Variants in NR4A1 observed in about 807,000 individuals in gnomAD.
NR4A1 encodes nuclear receptor subfamily 4immunitygroup A member 1.
Under a neutral mutation model 47.5 loss-of-function variants are expected in NR4A1, and 24 were observed. The observed-to-expected ratio is 0.50, with a 90% CI of 0.37 to 0.71. The LOEUF (loss-of-function observed/expected upper bound fraction) is 0.71, where lower values mean the gene tolerates loss of function less well. Among genes scored for constraint, NR4A1 ranks in the 30% least tolerant of loss-of-function variants. The pLI is 0.00. For missense variants in NR4A1, 669 were observed against 788.6 expected, an observed-to-expected ratio of 0.85 and a Z score of 1.82; for synonymous variants, 353 against 345.7, an observed-to-expected ratio of 1.02 and a Z score of -0.24.
chr12:52,029,339 G>T lies in NR4A1; in HGVS notation c.-84+6400G>T, dbSNP rs536734686. The stretch of plus-strand genomic sequence containing the variant: ...GACTTTGCACCCTCCTTGTGTGCCT[G>T]TGGGTCCTGCAGTTCTGAGCCCATG... On this transcript the variant is annotated intron_variant, in intron 1 of 7. Coordinates refer to the NR4A1 transcript ENST00000360284. Among the ~76,000 whole-genome samples the T allele has an allele frequency of 1.2e-3, 189 of 152,370 alleles. 1 individual carries two copies. The highest frequency in any genetic ancestry group is 1.8e-3 in the Non-Finnish European group (125 of 68,038).
At chr12:52,036,167 C>T (rs1356890515) in intron 1 of NR4A1, among the ~76,000 whole-genome samples, 5 of 152,146 alleles carry the variant, frequency 3.3e-5, no homozygotes, top group East Asian at 1.9e-4. Context: ...CCTGAGTGGG[C>T]AGCTGCTGGG....
chr12:52,024,531 C>T (rs1017872461), intron 1 of NR4A1, among the ~76,000 whole-genome samples: 1 of 152,032 alleles, frequency 6.6e-6, no homozygotes. Flanking sequence ...CTCGTCTCTA[C>T]AAAAAATTTT....
upstream of NR4A1, among the ~76,000 whole-genome samples, chr12:52,046,845 T>C (rs1938665637): frequency 6.6e-6 from 1 of 151,896 alleles, no homozygotes; most frequent in Admixed American, 6.6e-5. Flanking sequence ...TAGCCGGGCG[T>C]GGTGGCGGGC....
upstream of NR4A1, among the ~76,000 whole-genome samples, chr12:52,046,867 C>T (rs1938666783): frequency 6.6e-6 from 1 of 152,268 alleles, no homozygotes; most frequent in East Asian, 1.9e-4. Flanking sequence ...CTTGTAGTCC[C>T]AGCTACTCAG....
chr12:52,035,054 A>T (rs1160850628), intron 1 of NR4A1, among the ~76,000 whole-genome samples: 1 of 152,200 alleles, frequency 6.6e-6, no homozygotes, highest in Non-Finnish European at 1.5e-5. Context: ...TAAGAGGTAG[A>T]GCCTCTTGTG....
At chr12:52,047,591 A>C (rs575980827), upstream of NR4A1, among the ~76,000 whole-genome samples, 15 of 152,304 alleles carry the variant, frequency 9.8e-5, no homozygotes, top group South Asian at 3.1e-3. Context: ...GTAGTTCCTT[A>C]TCCTCCTCCA....
At chr12:52,043,278 G>A (rs1938505051) in intron 2 of NR4A1, 1 of 158,990 alleles carries the variant, frequency 6.3e-6, no homozygotes, top group South Asian at 1.8e-4. Context: ...CAGTGGCCAG[G>A]TGTCCCTCCC....
intron 1 of NR4A1, among the ~76,000 whole-genome samples, chr12:52,032,679 T>A (rs1463341017): frequency 2.0e-5 from 3 of 152,208 alleles, no homozygotes; most frequent in Non-Finnish European, 4.4e-5. Flanking sequence ...CTCCGAAGTA[T>A]GTTCCAGCTT....
In NR4A1 at chr12:52,058,918, A is replaced by G. The variant is rs1319867864; in HGVS notation, c.1771A>G (p.Ile591Val). ...LVPPPPIIDK[I>V]FMDTLPF is the part of the protein sequence containing the mutation. ...GCCCCCTCCACCCATCATTGACAAG[A>G]TCTTCATGGACACGCTGCCCTTCTG... Residue 591 changes from isoleucine to valine, a missense_variant, in exon 7 of 7, where the codon ATC becomes GTC. Coordinates refer to ENST00000394825, the MANE Select transcript of NR4A1 (RefSeq NM_173157.3). 6.2e-7 allele frequency: 1 copy of G among 1,612,996 alleles called. No homozygotes were observed. Among genetic ancestry groups the G allele is most frequent in the African/African-American group, 1.3e-5 (1 of 74,882 alleles).
chr12:52,034,208 C>T (rs769596902), intron 1 of NR4A1, among the ~76,000 whole-genome samples: 5 of 152,240 alleles, frequency 3.3e-5, no homozygotes, highest in Admixed American at 6.5e-5. Context: ...TTCTTTCACA[C>T]TGGGCCCTAC....
chr12:52,038,523 C>T lies in NR4A1; in HGVS notation c.-83-3287C>T, dbSNP rs1938323763. 6.9e-6 allele frequency: 4 copies of T among 577,014 alleles called. No homozygotes were observed. The Admixed American group carries it at 1.1e-4, about 16-fold the overall frequency. 35.7% of individuals were successfully genotyped at this position (577,014 alleles called of 1,614,324 possible). A position where few individuals can be genotyped will look rare whatever the true frequency, so the allele number is the denominator to read the frequency against. The stretch of plus-strand genomic sequence containing the variant: ...GGCTGGGCAGAGGTTGGTAGGTTCA[C>T]AACAGTTATGCCCACTGGGTGCTGA... On this transcript the variant is annotated intron_variant, in intron 1 of 7. Transcript: ENST00000360284.
In NR4A1 at chr12:52,045,943, A is replaced by T. The variant is rs143830963; in HGVS notation, c.37+4014A>T. Among the ~76,000 whole-genome samples the T allele has an allele frequency of 6.4e-3, 971 of 152,314 alleles. 8 individuals carry two copies. Among genetic ancestry groups the T allele is most frequent in the Middle Eastern group, 0.02 (6 of 294 alleles). On this transcript the variant is annotated intron_variant, in intron 2 of 7. Coordinates refer to the NR4A1 transcript ENST00000360284. ...AGTGCAAATCCCCCTGCCTACTGCC[A>T]AAGCAGGAAGAGGAAGTGGCCGGGT...
At chr12:52,050,988 T>TGGA (rs1938894617), upstream of NR4A1, among the ~76,000 whole-genome samples, 1 of 152,096 alleles carries the variant, frequency 6.6e-6, no homozygotes, top group African/African-American at 2.4e-5. Context: ...CGGGAGCAAC[T>TGGA]GGAGAGTGAG....
chr12:52,055,273 C>T, intron 2 of NR4A1, 69 bp downstream of exon 2: 2 of 1,580,946 alleles, frequency 1.3e-6, no homozygotes, highest in Non-Finnish European at 8.6e-7. Context: ...CCATTGGGAC[C>T]TGTGGTCTCC....
chr12:52,055,845 A>C, intron 2 of NR4A1, 185 bp from the exon 3 acceptor site: 2 of 472,686 alleles, frequency 4.2e-6, no homozygotes, highest in Non-Finnish European at 3.7e-6. Flanking sequence ...TGTCTTCAAG[A>C]CTTTTCTCTC....
upstream of NR4A1, chr12:52,051,264 C>T (rs1938917776): frequency 4.1e-6 from 1 of 243,216 alleles, no homozygotes; most frequent in Non-Finnish European, 6.6e-6. Context: ...CCCCCCTCCT[C>T]GCCCCGCCCC....
intron 1 of NR4A1, chr12:52,037,788 C>T (rs1393085407): frequency 3.0e-6 from 3 of 985,352 alleles, no homozygotes; most frequent in African/African-American, 3.5e-5. Flanking sequence ...CCGGGAGGGA[C>T]CGATGCTGCG....
At chr12:52,046,212 G>C (rs926933582) in intron 2 of NR4A1, among the ~76,000 whole-genome samples, 36 of 152,166 alleles carry the variant, frequency 2.4e-4, no homozygotes, top group African/African-American at 8.4e-4. Flanking sequence ...TTCATCCCCT[G>C]TTTACCCATC....
chr12:52,052,302 TGTGAGAGAGAGA>T (rs1939015963), intron 1 of NR4A1, among the ~76,000 whole-genome samples: 1 of 103,718 alleles, frequency 9.6e-6, no homozygotes, highest in African/African-American at 3.4e-5. Flanking sequence ...TGTGTGTGTG[TGTGAGAGAGAGA>T]GAGAGAGAGA....
Sources: allele counts gnomAD v4.1 joint callset (sites outside exome capture counted in the v4.1 genomes callset), GRCh38; gene constraint gnomAD v4.1.1; transcripts MANE v1.5; gene names NCBI Gene and HGNC (gene_info 2026-07-23, HGNC 2026-07-21).